The following KCNN2 variants were observed in gnomAD, a reference collection of about 807,000 sequenced individuals.
KCNN2 encodes the protein small conductance calcium-activated potassium channel protein 2.
In KCNN2, 24 loss-of-function variants were observed where a neutral mutation model predicts 55.5. That is an observed-to-expected ratio of 0.43 (90% confidence interval 0.31 to 0.61). The LOEUF is 0.61. Ranked by LOEUF, KCNN2 falls within the 20% of genes least tolerant of loss-of-function variation. KCNN2 has a pLI of 0.08. For synonymous variants in KCNN2, 431 were observed against 336.1 expected (o/e 1.28, Z -3.09); for missense variants, 754 against 853.6 (o/e 0.88, Z 1.45).
intron 1 of KCNN2, among the ~76,000 whole-genome samples, chr5:114,108,539 C>T (rs1286888759): frequency 6.6e-6 from 1 of 152,068 alleles, no homozygotes; most frequent in East Asian, 1.9e-4. Context: ...AAACCTCTAA[C>T]ACACATTTGA....
At chr5:114,430,319 T>C (rs1455619192) in intron 3 of KCNN2, among the ~76,000 whole-genome samples, 2 of 152,128 alleles carry the variant, frequency 1.3e-5, no homozygotes, top group African/African-American at 2.4e-5. Context: ...GTGTTCATCA[T>C]AGAACTTGTA....
chr5:114,096,482 A>C (rs934118533), intron 1 of KCNN2, among the ~76,000 whole-genome samples: 1 of 152,126 alleles, frequency 6.6e-6, no homozygotes, highest in African/African-American at 2.4e-5. Context: ...ACCAAGCTAT[A>C]TACTCATGAC....
chr5:114,393,125 C>T (rs1326677391), intron 2 of KCNN2, among the ~76,000 whole-genome samples: 1 of 152,024 alleles, frequency 6.6e-6, no homozygotes, highest in Non-Finnish European at 1.5e-5. Context: ...AAATATAAAT[C>T]TTTCATGTAT....
At chr5:114,164,186 A>G (rs1182229478) in intron 1 of KCNN2, among the ~76,000 whole-genome samples, 1 of 152,228 alleles carries the variant, frequency 6.6e-6, no homozygotes, top group East Asian at 1.9e-4. Flanking sequence ...AGTAAGATAT[A>G]TTTAGAACAA....
intron 1 of KCNN2, among the ~76,000 whole-genome samples, chr5:114,151,548 GAA>G (rs1301213598): frequency 2.1e-5 from 3 of 143,982 alleles, no homozygotes; most frequent in African/African-American, 5.0e-5. Context: ...AGATGTCCCA[GAA>G]AAAAAAAAAA....
At chr5:114,232,104 C>G (rs74440931) in intron 2 of KCNN2, among the ~76,000 whole-genome samples, 2,277 of 150,992 alleles carry the variant, frequency 0.015, 195 homozygotes, top group African/African-American at 0.053. Context: ...GTGTCCCTGT[C>G]CCACTGTTTG....
intron 2 of KCNN2, among the ~76,000 whole-genome samples, chr5:114,345,253 T>G (rs1018388889): frequency 5.9e-5 from 9 of 151,990 alleles, no homozygotes; most frequent in Non-Finnish European, 1.0e-4. Context: ...AAAAAAAATA[T>G]ACATGTGTCA....
rs1371802208 is a variant in KCNN2, at chr5:114,429,198, G to A, written c.1637+24342G>A. Among the ~76,000 whole-genome samples, 3 of 152,148 alleles carry A rather than the reference G, an allele frequency of 2.0e-5. No individual in the cohort carries two copies. The East Asian group carries it at 5.8e-4, about 29-fold the overall frequency. ...GTAATTCCACCAGCAATGAATGAGA[G>A]TTCCTTTTCTCCACATCCTTGTCAG... On this transcript the variant is annotated intron_variant, in intron 3 of 7. Coordinates refer to ENST00000673685, the MANE Select transcript of KCNN2 (RefSeq NM_021614.4).
chr5:114,420,626 G>T (rs1759445719), intron 3 of KCNN2, among the ~76,000 whole-genome samples: 1 of 152,202 alleles, frequency 6.6e-6, no homozygotes, highest in Non-Finnish European at 1.5e-5. Context: ...TTCCTTAGAA[G>T]AGTATAAAAG....
At chr5:114,390,956 T>C (rs1758435207) in intron 2 of KCNN2, among the ~76,000 whole-genome samples, 1 of 152,084 alleles carries the variant, frequency 6.6e-6, no homozygotes, top group South Asian at 2.1e-4. Context: ...TCTAATTAAG[T>C]CTTAAGAGCA....
chr5:114,268,611 G>T (rs1476352938), intron 2 of KCNN2, among the ~76,000 whole-genome samples: 1 of 152,162 alleles, frequency 6.6e-6, no homozygotes, highest in Admixed American at 6.5e-5. Flanking sequence ...GATCAGAGGT[G>T]CCTCCTGGGG....
At position 114,435,397 on chromosome 5, in the gene KCNN2, C is replaced by T. The variant is rs77673518; in HGVS notation, c.1638-27652C>T. On this transcript the variant is annotated intron_variant, in intron 3 of 7. Coordinates refer to ENST00000673685, the MANE Select transcript of KCNN2 (RefSeq NM_021614.4). Reference sequence around the variant, plus strand: ...AAATTTGTTGGTTTTTAGTTTGTCACCTTTTTTTATTTTCTTGTTGTGAGG... The same window carrying T: ...AAATTTGTTGGTTTTTAGTTTGTCATCTTTTTTTATTTTCTTGTTGTGAGG... Among the ~76,000 whole-genome samples, 84 of 152,170 alleles carry T rather than the reference C, an allele frequency of 5.5e-4. No individual in the cohort carries two copies. In the East Asian group the frequency reaches 0.015, roughly 28 times the overall value.
At chr5:114,373,645 T>TATATATATATATATATATATAC (rs1198304647) in intron 2 of KCNN2, among the ~76,000 whole-genome samples, 2 of 105,094 alleles carry the variant, frequency 1.9e-5, no homozygotes, top group Admixed American at 1.1e-4. Flanking sequence ...AGATTTTATA[T>TATATATATATATATATATATAC]ATATATATAT....
At chr5:114,495,766 TGTTCA>T (rs2150145235) in intron 7 of KCNN2, 124 bp from the exon 8 acceptor site, 1 of 774,790 alleles carries the variant, frequency 1.3e-6, no homozygotes, top group African/African-American at 1.7e-5. Flanking sequence ...CAAGATGAGC[TGTTCA>T]GTTAGCTGAC....
intron 2 of KCNN2, among the ~76,000 whole-genome samples, chr5:114,317,800 C>G (rs141069336): frequency 6.6e-6 from 1 of 152,226 alleles, no homozygotes; most frequent in African/African-American, 2.4e-5. Flanking sequence ...AGCCATTATG[C>G]TAAATTCTAC....
chr5:114,496,281 C>A lies in KCNN2; in HGVS notation c.*99C>A. On this transcript the variant is annotated 3_prime_UTR_variant, in exon 8 of 8. Transcript: ENST00000673685. ...CCCTATGGTTCTAATCAGCGTTATC[C>A]GGGTTCTGATGTCAGAATCCTGGGA... 1 of 1,307,030 alleles carries A rather than the reference C, an allele frequency of 7.7e-7. No homozygotes were observed. Among genetic ancestry groups the A allele is most frequent in the Non-Finnish European group, 1.0e-6 (1 of 961,696 alleles). The allele number at this position is 1,307,030 out of a possible 1,614,324, so 81.0% of individuals were successfully genotyped here.
intron 1 of KCNN2, among the ~76,000 whole-genome samples, chr5:114,126,404 A>C (rs1277534503): frequency 1.3e-5 from 2 of 152,084 alleles, no homozygotes; most frequent in Non-Finnish European, 2.9e-5. Flanking sequence ...CCTTCTTCAT[A>C]TGGCAGCAGC....
intron 2 of KCNN2, among the ~76,000 whole-genome samples, chr5:114,246,358 G>A (rs1166865044): frequency 1.3e-5 from 2 of 152,138 alleles, no homozygotes; most frequent in East Asian, 1.9e-4. Context: ...TCACTTTTAT[G>A]TAGAGAAACC....
intron 4 of KCNN2, among the ~76,000 whole-genome samples, chr5:114,468,110 C>T (rs1464219355): frequency 6.6e-6 from 1 of 152,146 alleles, no homozygotes. Context: ...GACCTCCACC[C>T]TTAGTAGCAA....
Sources: gnomAD v4.1 joint callset for allele counts (sites outside exome capture counted in the v4.1 genomes callset) on GRCh38, gnomAD v4.1.1 for gene constraint, MANE v1.5 for transcripts, NCBI Gene and HGNC (gene_info 2026-07-23, HGNC 2026-07-21) for gene names.